The following UNC13C variants were observed in gnomAD, a reference collection of about 807,000 sequenced individuals.
The protein encoded by UNC13C is unc-13 homolog C.
UNC13C carries 174 observed loss-of-function variants against 245.4 expected under a neutral mutation model. That is an observed-to-expected ratio of 0.71 (90% CI 0.63 to 0.80). UNC13C has a LOEUF of 0.80. UNC13C is among the 30% of genes least tolerant of loss of function. The probability of loss-of-function intolerance (pLI) is 0.00; values close to 1 mark genes in which losing one functional copy is unlikely to be tolerated. For synonymous variants in UNC13C, 992 were observed against 895.1 expected (o/e 1.11, Z -1.93); for missense variants, 2,829 against 2,602.9 (o/e 1.09, Z -1.89).
At chr15:54,124,802 G>T (rs917327614) in intron 2 of UNC13C, among the ~76,000 whole-genome samples, 1 of 127,472 alleles carries the variant, frequency 7.8e-6, no homozygotes, top group African/African-American at 3.0e-5. Flanking sequence ...TGCAAAAAAT[G>T]TGAAGTTTAG....
At chr15:54,157,239 C>G (rs914169633) in intron 4 of UNC13C, among the ~76,000 whole-genome samples, 1 of 152,324 alleles carries the variant, frequency 6.6e-6, no homozygotes, top group East Asian at 1.9e-4. Flanking sequence ...ATGTGATACA[C>G]TGACAAATAC....
rs1391911873 is a variant in UNC13C at position 54,552,912 on chromosome 15, A to T, written c.5878-2520A>T. Among the ~76,000 whole-genome samples, 21 of 8,614 alleles carry T rather than the reference A, an allele frequency of 2.4e-3. 1 individual carries two copies. The highest frequency in any genetic ancestry group is 3.2e-3 in the Non-Finnish European group (16 of 4,930). 5.7% of individuals were successfully genotyped at this position (8,614 alleles called of 152,430 possible). On this transcript the variant is annotated intron_variant, in intron 28 of 32. Transcript: ENST00000260323. ...ATTACTATATATATATTAATATATA[A>T]TATATATTGTATTCTATATTACATT...
chr15:54,455,202 T>TCC (rs1567289018), intron 19 of UNC13C, among the ~76,000 whole-genome samples: 1 of 60,310 alleles, frequency 1.7e-5, no homozygotes, highest in Non-Finnish European at 3.2e-5. Flanking sequence ...TCTCTCTCTC[T>TCC]CTCTATATAT....
the UNC13C span, among the ~76,000 whole-genome samples, chr15:53,869,021 A>G: frequency 2.0e-5 from 3 of 152,280 alleles, no homozygotes; most frequent in Admixed American, 2.0e-4. Flanking sequence ...AGGTGGGAGG[A>G]TCACATGAAC....
At position 54,415,926 on chromosome 15, in the gene UNC13C, A is replaced by G. The variant is rs146191409; in HGVS notation, c.4933+859A>G. Among the ~76,000 whole-genome samples the G allele has an allele frequency of 5.9e-5, 9 of 152,316 alleles. No homozygotes were observed. The East Asian group carries it at 1.7e-3, about 29-fold the overall frequency. ...AGGCTTACTATGGGAACTTCCTCTA[A>G]GAAAATGTAACTTTGATAAAGACCT... On this transcript the variant is annotated intron_variant, in intron 19 of 32. Transcript: ENST00000260323.
At position 54,013,715 on chromosome 15, in the gene UNC13C, A is replaced by G. The variant is rs774162675; in HGVS notation, c.812A>G (p.Lys271Arg). ...CTACGAGGGCACGTCAATGCTCTCA[A>G]GCACTCCATCGATGAGATCTCCAGC... ...SELRGHVNAL[K>R]HSIDEISSSV... The change falls in exon 2 of 33, where the codon AAG (lysine) becomes AGG (arginine). Residue 271 changes from lysine (K) to arginine (R), a missense_variant. Physicochemically the swap from Lys to Arg is conservative, Grantham distance 26. Transcript: ENST00000260323. The G allele has an allele frequency of 2.5e-6, 4 of 1,613,442 alleles. No individual in the cohort carries two copies. Among genetic ancestry groups the G allele is most frequent in the Middle Eastern group, 1.7e-4 (1 of 6,058 alleles).
intron 19 of UNC13C, among the ~76,000 whole-genome samples, chr15:54,434,985 A>G (rs1380019158): frequency 3.3e-5 from 5 of 152,180 alleles, no homozygotes. Context: ...AAAAAAGCTC[A>G]TCATCACTGT....
chr15:53,987,531 T>TTTGTTG (rs145719556), intron 1 of UNC13C, among the ~76,000 whole-genome samples: 1 of 151,352 alleles, frequency 6.6e-6, no homozygotes, highest in Non-Finnish European at 1.5e-5. Context: ...AGACAGGCTT[T>TTTGTTG]TTGTTGTTGT....
rs181986579 is a variant in UNC13C at position 54,102,934 on chromosome 15, C to T, written c.2984-40084C>T. 1.2e-4 allele frequency among the ~76,000 whole-genome samples: 19 copies of T among 152,294 alleles called. No homozygotes were observed. In the East Asian group the frequency reaches 3.3e-3, roughly 26 times the overall value. ...CAAAAATAAGTGATCCCTTGGCCAG[C>T]TGCAGTACTTGCATCTTGCTGGAAG... On this transcript the variant is annotated intron_variant, in intron 2 of 32. Coordinates refer to ENST00000260323, the MANE Select transcript of UNC13C (RefSeq NM_001080534.3).
intron 2 of UNC13C, among the ~76,000 whole-genome samples, chr15:54,036,746 G>GGAT (rs1386931619): frequency 6.6e-6 from 1 of 152,174 alleles, no homozygotes; most frequent in African/African-American, 2.4e-5. Context: ...TTCCTGTAAT[G>GGAT]GATGGAGTTG....
chr15:54,372,501 C>G (rs1286857868), intron 17 of UNC13C, among the ~76,000 whole-genome samples: 4 of 152,096 alleles, frequency 2.6e-5, no homozygotes, highest in Non-Finnish European at 5.9e-5. Context: ...CAAAAATAAC[C>G]ACACTCTTGA....
chr15:54,369,196 C>A (rs569301), intron 17 of UNC13C, among the ~76,000 whole-genome samples: 4 of 136,646 alleles, frequency 2.9e-5, no homozygotes, highest in South Asian at 4.7e-4. Flanking sequence ...TAACCTCCCC[C>A]CCCCAAAAAA....
At chr15:54,566,027 G>A (rs961866321) in intron 29 of UNC13C, among the ~76,000 whole-genome samples, 4 of 151,836 alleles carry the variant, frequency 2.6e-5, no homozygotes, top group African/African-American at 9.7e-5. Context: ...GGGCTTACCT[G>A]AGAAATATTA....
chr15:54,560,388 T>C (rs1897254166), intron 29 of UNC13C, among the ~76,000 whole-genome samples: 1 of 151,900 alleles, frequency 6.6e-6, no homozygotes, highest in Admixed American at 6.6e-5. Context: ...AAAAATAGCT[T>C]GCCAAGCATG....
intron 3 of UNC13C, among the ~76,000 whole-genome samples, chr15:54,143,407 T>C (rs1373583719): frequency 6.6e-6 from 1 of 152,200 alleles, no homozygotes; most frequent in Non-Finnish European, 1.5e-5. Flanking sequence ...TCCGGGACTC[T>C]GCCAGTGCAT....
intron 2 of UNC13C, among the ~76,000 whole-genome samples, chr15:54,074,896 G>C (rs980093660): frequency 2.4e-5 from 3 of 124,838 alleles, no homozygotes; most frequent in Non-Finnish European, 3.9e-5. Flanking sequence ...GCCCTGGCCA[G>C]AACTTCCAAT....
Position 54,056,555 on chromosome 15 carries a change from A to G in UNC13C, c.2983+40669A>G, listed in dbSNP as rs184182562. Among the ~76,000 whole-genome samples the G allele has an allele frequency of 3.1e-3, 476 of 152,338 alleles. 1 individual carries two copies. Among genetic ancestry groups the G allele is most frequent in the African/African-American group, 0.011 (452 of 41,574 alleles). On this transcript the variant is annotated intron_variant, in intron 2 of 32. Transcript: ENST00000260323. The stretch of plus-strand genomic sequence containing the variant: ...CATTCTGCAGGATATTATCCAGGAG[A>G]ACTTCCCCAATCTAACAAGGCAGGC...
Position 54,627,335 on chromosome 15 carries a change from C to G in UNC13C, c.*222C>G, listed in dbSNP as rs116656834. 1 of 418,704 alleles carries G rather than the reference C, an allele frequency of 2.4e-6. No individual in the cohort carries two copies. Among genetic ancestry groups the G allele is most frequent in the African/African-American group, 2.0e-5 (1 of 50,558 alleles). 25.9% of individuals were successfully genotyped at this position (418,704 alleles called of 1,614,324 possible). On this transcript the variant is annotated 3_prime_UTR_variant, in exon 33 of 33. Coordinates refer to ENST00000260323, the MANE Select transcript of UNC13C (RefSeq NM_001080534.3). ...AAAATTATGATGTAAAGTGAAATAT[C>G]AAGAACACCTTTTAACATGTTTATT...
At chr15:54,312,054 C>T (rs976324785) in intron 13 of UNC13C, among the ~76,000 whole-genome samples, 4 of 151,570 alleles carry the variant, frequency 2.6e-5, no homozygotes, top group East Asian at 1.9e-4. Flanking sequence ...TAATAAAACA[C>T]GTTAATGCTA....
Sources: allele counts gnomAD v4.1 joint callset (sites outside exome capture counted in the v4.1 genomes callset), GRCh38; gene constraint gnomAD v4.1.1; transcripts MANE v1.5; gene names NCBI Gene and HGNC (gene_info 2026-07-23, HGNC 2026-07-21).